Variants in TLR2 observed in about 807,000 individuals in gnomAD.
TLR2 encodes toll like receptor 2.
Under a neutral mutation model 9.1 loss-of-function variants are expected in TLR2, and 7 were observed. That is an observed-to-expected ratio of 0.77 (90% CI 0.44 to 1.44). The LOEUF is 1.44. Among genes scored for constraint, TLR2 ranks in the 40% most tolerant of loss-of-function variants. TLR2 has a pLI of 0.01. For missense variants in TLR2, 812 were observed against 904.6 expected (o/e 0.90, Z 1.31); for synonymous variants, 317 against 344.6 (o/e 0.92, Z 0.89).
intron 2 of TLR2, among the ~76,000 whole-genome samples, chr4:153,696,163 T>C (rs144708312): frequency 1.5e-3 from 236 of 152,294 alleles, no homozygotes; most frequent in African/African-American, 5.3e-3. Context: ...TCTGGGTCTT[T>C]TGTGGTTTCA....
At chr4:153,684,994 A>G (rs1390257829) in intron 1 of TLR2, among the ~76,000 whole-genome samples, 1 of 152,170 alleles carries the variant, frequency 6.6e-6, no homozygotes, top group Admixed American at 6.5e-5. Flanking sequence ...CTCACTGGTT[A>G]CTGCTAGGAC....
chr4:153,698,949 A>G (rs1282875215), intron 2 of TLR2, among the ~76,000 whole-genome samples: 3 of 152,214 alleles, frequency 2.0e-5, no homozygotes, highest in African/African-American at 7.2e-5. Context: ...TCATGTTTAA[A>G]GCTAACAGTA....
At chr4:153,699,848 A>G (rs1014323946) in intron 2 of TLR2, among the ~76,000 whole-genome samples, 3 of 152,236 alleles carry the variant, frequency 2.0e-5, no homozygotes, top group Non-Finnish European at 4.4e-5. Flanking sequence ...TGGTCAGTAT[A>G]CAAAATTTAA....
Position 153,704,819 on chromosome 4 carries a change from A to G in TLR2, c.1912A>G (p.Asn638Asp). 4.3e-6 allele frequency: 7 copies of G among 1,613,996 alleles called. No individual in the cohort carries two copies. Among genetic ancestry groups the G allele is most frequent in the Non-Finnish European group, 5.1e-6 (6 of 1,179,988 alleles). ...KRKPRKAPSR[N>D]ICYDAFVSYS... ...GAAGCCCAGGAAAGCTCCCAGCAGG[A>G]ACATCTGCTATGATGCATTTGTTTC... The change falls in exon 3 of 3, where the codon AAC (asparagine) becomes GAC (aspartate). Residue 638 changes from asparagine to aspartate, a missense_variant. Asn to Asp is a conservative substitution (Grantham distance 23). Transcript: ENST00000642700.
intron 2 of TLR2, among the ~76,000 whole-genome samples, chr4:153,698,137 T>G (rs1181562121): frequency 6.6e-6 from 1 of 152,160 alleles, no homozygotes; most frequent in African/African-American, 2.4e-5. Flanking sequence ...TGGAAAGGAC[T>G]CTGATAAGTA....
chr4:153,695,631 T>G (rs1736438477), intron 2 of TLR2, among the ~76,000 whole-genome samples: 1 of 152,230 alleles, frequency 6.6e-6, no homozygotes, highest in Admixed American at 6.5e-5. Context: ...GTGTATTGCC[T>G]CTGCACTTTG....
intron 2 of TLR2, among the ~76,000 whole-genome samples, chr4:153,690,047 G>A (rs1735996881): frequency 1.3e-5 from 2 of 152,212 alleles, no homozygotes; most frequent in African/African-American, 4.8e-5. Flanking sequence ...ATCAGCTATT[G>A]ATTCTGGCCT....
At chr4:153,684,667 C>G (rs1288478400) in intron 1 of TLR2, among the ~76,000 whole-genome samples, 1 of 152,226 alleles carries the variant, frequency 6.6e-6, no homozygotes, top group Admixed American at 6.5e-5. Context: ...CTGCAGAGCC[C>G]GAGGTCGGGA....
intron 2 of TLR2, among the ~76,000 whole-genome samples, chr4:153,697,651 G>T (rs1736595620): frequency 6.6e-6 from 1 of 152,134 alleles, no homozygotes; most frequent in Non-Finnish European, 1.5e-5. Context: ...GAAGCTTCTA[G>T]ATGGGCTTCT....
At chr4:153,708,728 A>G (rs1458099457), downstream of TLR2, among the ~76,000 whole-genome samples, 6 of 152,278 alleles carry the variant, frequency 3.9e-5, no homozygotes, top group East Asian at 1.2e-3. Flanking sequence ...GCTCCCAGGA[A>G]AATGTTTTCT....
chr4:153,697,447 A>G (rs940743907), intron 2 of TLR2, among the ~76,000 whole-genome samples: 1 of 152,144 alleles, frequency 6.6e-6, no homozygotes, highest in Non-Finnish European at 1.5e-5. Flanking sequence ...TTAAAAGAGA[A>G]AGAGTTTCTA....
At chr4:153,710,448 C>T (rs763951787), downstream of TLR2, 1 of 1,603,130 alleles carries the variant, frequency 6.2e-7, no homozygotes, top group South Asian at 1.1e-5. Context: ...ATAACGAAGC[C>T]AATCCAGGAT....
At chr4:153,684,908 G>A (rs1358996066) in intron 1 of TLR2, among the ~76,000 whole-genome samples, 3 of 152,204 alleles carry the variant, frequency 2.0e-5, no homozygotes, top group Admixed American at 1.3e-4. Flanking sequence ...CCGCCTCCTG[G>A]CCCCTCTTGG....
At position 153,704,908 on chromosome 4, in the gene TLR2, T is replaced by A. The variant is rs761292629; in HGVS notation, c.2001T>A (p.Asn667Lys). The A allele has an allele frequency of 3.7e-6, 6 of 1,613,204 alleles. No individual in the cohort carries two copies. In the Admixed American group the frequency reaches 6.7e-5, roughly 18 times the overall value. Residue 667 changes from asparagine (N) to lysine (K), a missense_variant, in exon 3 of 3, where the codon AAT (asparagine) becomes AAA (lysine). Transcript: ENST00000642700. ...NLMVQELENF[N>K]PPFKLCLHKR... ...TGGTCCAGGAGCTGGAGAACTTCAA[T>A]CCCCCCTTCAAGTTGTGTCTTCATA...
At chr4:153,684,839 C>T (rs1311926728) in intron 1 of TLR2, among the ~76,000 whole-genome samples, 1 of 152,182 alleles carries the variant, frequency 6.6e-6, no homozygotes, top group East Asian at 1.9e-4. Flanking sequence ...GCCCGGCCCT[C>T]CCGCTTCCCT....
chr4:153,700,350 G>A (rs12510187), intron 2 of TLR2, among the ~76,000 whole-genome samples: 45,741 of 151,892 alleles, frequency 0.3, 7,672 homozygotes, highest in South Asian at 0.53. Context: ...TTAAAGTATC[G>A]AATAGAAATA....
rs140973786 is a variant in TLR2, at chr4:153,703,519, C to T, written c.612C>T (p.Ile204=). The T allele has an allele frequency of 6.2e-7, 1 of 1,613,796 alleles. No individual in the cohort carries two copies. The highest frequency in any genetic ancestry group is 8.5e-7 in the Non-Finnish European group (1 of 1,179,954). Residue 204 remains isoleucine, a synonymous_variant, in exon 3 of 3, where the codon ATC becomes ATT. Transcript: ENST00000642700. The stretch of plus-strand genomic sequence containing the variant: ...CAATTCAGAATGTAAGTCATCTGAT[C>T]CTTCATATGAAGCAGCATATTTTAC... ...LKSIQNVSHL[I]LHMKQHILLL...
intron 2 of TLR2, among the ~76,000 whole-genome samples, chr4:153,698,126 G>A (rs1436422920): frequency 3.9e-5 from 6 of 152,092 alleles, no homozygotes; most frequent in South Asian, 2.1e-4. Flanking sequence ...TAAAAGATTC[G>A]TGGAAAGGAC....
In TLR2 at chr4:153,704,650, G is replaced by A. The variant is rs755625961; in HGVS notation, c.1743G>A (p.Ser581=). The change falls in exon 3 of 3, where the codon TCG becomes TCA. Residue 581 remains serine, a synonymous_variant. Coordinates refer to ENST00000642700, the MANE Select transcript of TLR2 (RefSeq NM_001318789.2). ...AGCAGGTTCAGGATGTCCGCCTCTC[G>A]GTGTCGGAATGTCACAGGACAGCAC... ...RGQQVQDVRL[S]VSECHRTALV... 6.2e-6 allele frequency: 10 copies of A among 1,613,322 alleles called. No homozygotes were observed. The highest frequency in any genetic ancestry group is 1.3e-5 in the African/African-American group (1 of 74,920).
Sources: gnomAD v4.1 joint callset for allele counts (sites outside exome capture counted in the v4.1 genomes callset) on GRCh38, gnomAD v4.1.1 for gene constraint, MANE v1.5 for transcripts, NCBI Gene and HGNC (gene_info 2026-07-23, HGNC 2026-07-21) for gene names.